Variants in FOXN3 observed in about 807,000 individuals in gnomAD.
FOXN3 encodes the protein forkhead box N3.
Under a neutral mutation model 38.4 loss-of-function variants are expected in FOXN3, and 7 were observed. That is an observed-to-expected ratio of 0.18 (90% CI 0.10 to 0.34). The LOEUF (loss-of-function observed/expected upper bound fraction) is 0.34, where lower values mean the gene tolerates loss of function less well. Ranked by LOEUF, FOXN3 falls within the 10% of genes least tolerant of loss-of-function variation. FOXN3 has a pLI of 1.00. For synonymous variants in FOXN3, 230 were observed against 242.2 expected (o/e 0.95, Z 0.47); for missense variants, 456 against 613.4 (o/e 0.74, Z 2.71).
intron 1 of FOXN3, among the ~76,000 whole-genome samples, chr14:89,578,231 GC>G (rs1364615090): frequency 6.6e-6 from 1 of 152,190 alleles, no homozygotes; most frequent in African/African-American, 2.4e-5. Flanking sequence ...AGTGTGTCCA[GC>G]CCTGTGGTTT....
At chr14:89,310,181 G>C (rs1392699794) in intron 3 of FOXN3, among the ~76,000 whole-genome samples, 1 of 152,226 alleles carries the variant, frequency 6.6e-6, no homozygotes, top group Non-Finnish European at 1.5e-5. Flanking sequence ...ATAGCTTAGG[G>C]AGGGGGATAT....
At chr14:89,512,708 T>C (rs1348995546) in intron 1 of FOXN3, among the ~76,000 whole-genome samples, 1 of 152,244 alleles carries the variant, frequency 6.6e-6, no homozygotes, top group East Asian at 1.9e-4. Flanking sequence ...CTCAACTGCC[T>C]TCAGCTCAAA....
rs111592437 is a variant in FOXN3 at position 89,602,288 on chromosome 14, C to CAAAAAAAA, written c.-15+16732_-15+16739dup. Among the ~76,000 whole-genome samples the CAAAAAAAA allele has an allele frequency of 6.3e-3, 846 of 133,602 alleles. 5 individuals carry two copies. The highest frequency in any genetic ancestry group is 0.022 in the African/African-American group (800 of 36,470). The allele number at this position is 133,602 out of a possible 152,430, so 87.6% of individuals were successfully genotyped here. A position where few individuals can be genotyped will look rare whatever the true frequency, so the allele number is the denominator to read the frequency against. On this transcript the variant is annotated intron_variant, in intron 1 of 6. Coordinates refer to the FOXN3 transcript ENST00000345097. Reference sequence around the variant, plus strand: ...TGGGTGACAGAGCAAGACTTTGTGTCAAAAAAAAAAACACATGCGAAAGAA... The same window carrying CAAAAAAAA: ...TGGGTGACAGAGCAAGACTTTGTGTCAAAAAAAAAAAAAAAAAAACACATGCGAAAGAA...
chr14:89,498,551 T>C (rs952950478), intron 1 of FOXN3, among the ~76,000 whole-genome samples: 4 of 152,158 alleles, frequency 2.6e-5, no homozygotes, highest in South Asian at 2.1e-4. Context: ...GCCACACTTA[T>C]ATGCACTAGA....
At chr14:89,454,573 C>A (rs921446441) in intron 1 of FOXN3, among the ~76,000 whole-genome samples, 1 of 152,208 alleles carries the variant, frequency 6.6e-6, no homozygotes, top group Non-Finnish European at 1.5e-5. Flanking sequence ...TAAACATTCT[C>A]CTGCCTCACT....
At chr14:89,560,244 C>T (rs1005715048) in intron 1 of FOXN3, among the ~76,000 whole-genome samples, 2 of 152,158 alleles carry the variant, frequency 1.3e-5, no homozygotes, top group Non-Finnish European at 2.9e-5. Flanking sequence ...ATCCAGTCAC[C>T]TCCACCAGGT....
chr14:89,402,747 C>T (rs1186545595), intron 2 of FOXN3, among the ~76,000 whole-genome samples: 4 of 152,188 alleles, frequency 2.6e-5, no homozygotes, highest in Non-Finnish European at 5.9e-5. Context: ...AATGGAAACC[C>T]GCAATGCCCT....
intron 2 of FOXN3, among the ~76,000 whole-genome samples, chr14:89,351,771 G>T (rs961395611): frequency 6.6e-6 from 1 of 152,152 alleles, no homozygotes. Flanking sequence ...CCCACCTCCT[G>T]CTTTCAGCCA....
intron 1 of FOXN3, among the ~76,000 whole-genome samples, chr14:89,589,208 C>T (rs1749254369): frequency 6.6e-6 from 1 of 152,146 alleles, no homozygotes; most frequent in Non-Finnish European, 1.5e-5. Flanking sequence ...GACCAAAACA[C>T]TCTTGCCCTT....
At position 89,318,162 on chromosome 14, in the gene FOXN3, C is replaced by CTTTTT. The variant is rs10624729; in HGVS notation, c.680+32505_680+32509dup. On this transcript the variant is annotated intron_variant, in intron 3 of 5. Coordinates refer to ENST00000557258, the MANE Select transcript of FOXN3 (RefSeq NM_005197.4). Reference sequence around the variant, plus strand: ...TTCTTTTCTTTCTTCTTCTTCTTCTCTTTTTTTTTTTTTGAGGCGGAGTTT... The same window carrying CTTTTT: ...TTCTTTTCTTTCTTCTTCTTCTTCTCTTTTTTTTTTTTTTTTTTGAGGCGGAGTTT... 5.8e-3 allele frequency among the ~76,000 whole-genome samples: 740 copies of CTTTTT among 127,482 alleles called. 43 individuals carry two copies. Among genetic ancestry groups the CTTTTT allele is most frequent in the African/African-American group, 0.021 (674 of 32,870 alleles). The allele number at this position is 127,482 out of a possible 152,430, so 83.6% of individuals were successfully genotyped here.
chr14:89,568,451 A>G (rs1490634241), intron 1 of FOXN3, among the ~76,000 whole-genome samples: 1 of 152,006 alleles, frequency 6.6e-6, no homozygotes, highest in East Asian at 1.9e-4. Context: ...ACTCTCCCTC[A>G]CAGTCGCTCC....
intron 1 of FOXN3, among the ~76,000 whole-genome samples, chr14:89,554,955 G>GT (rs945632044): frequency 1.3e-5 from 2 of 151,720 alleles, no homozygotes; most frequent in African/African-American, 4.9e-5. Context: ...TGCCTGGCTG[G>GT]TTTTTTTGTA....
rs1214667626 is a variant in FOXN3, at chr14:89,235,076, T to C, written c.745+45874A>G. 2.0e-5 allele frequency among the ~76,000 whole-genome samples: 3 copies of C among 152,216 alleles called. No homozygotes were observed. The East Asian group carries it at 5.8e-4, about 29-fold the overall frequency. On this transcript the variant is annotated intron_variant, in intron 4 of 5. Transcript: ENST00000557258. ...TCACTTCTGCCCACTCTCTGGCAAC[T>C]GCCCCCTGAGAGCGTGGGCTATTTC...
chr14:89,421,141 CTTTCTTTTT>C (rs1422671052), upstream of FOXN3, among the ~76,000 whole-genome samples: 2 of 123,980 alleles, frequency 1.6e-5, no homozygotes, highest in Non-Finnish European at 3.3e-5. Flanking sequence ...TATTTTCTTT[CTTTCTTTTT>C]TTTTTTTTTT....
intron 2 of FOXN3, among the ~76,000 whole-genome samples, chr14:89,402,255 A>C (rs1891269980): frequency 6.6e-6 from 1 of 152,224 alleles, no homozygotes; most frequent in Non-Finnish European, 1.5e-5. Context: ...GGAATGTTTA[A>C]AAAATGGGTC....
At chr14:89,170,316 GCACACACA>G (rs376308529) in intron 5 of FOXN3, among the ~76,000 whole-genome samples, 1 of 151,870 alleles carries the variant, frequency 6.6e-6, no homozygotes, top group Non-Finnish European at 1.5e-5. Context: ...AAGCTGACAC[GCACACACA>G]CACAAAAGTT....
chr14:89,168,657 G>C (rs1203867714), intron 5 of FOXN3, among the ~76,000 whole-genome samples: 1 of 152,138 alleles, frequency 6.6e-6, no homozygotes, highest in African/African-American at 2.4e-5. Context: ...AAACCTAACT[G>C]GAGTTCCAGT....
At chr14:89,226,330 A>G (rs61336314) in intron 4 of FOXN3, among the ~76,000 whole-genome samples, 21 of 152,176 alleles carry the variant, frequency 1.4e-4, no homozygotes, top group African/African-American at 4.8e-4. Flanking sequence ...GGCTTAAGTG[A>G]TCTTCACACC....
At chr14:89,379,036 T>C (rs535945034) in intron 2 of FOXN3, among the ~76,000 whole-genome samples, 110 of 152,294 alleles carry the variant, frequency 7.2e-4, no homozygotes, top group African/African-American at 2.5e-3. Context: ...GCCCAGGTTA[T>C]GAGAATAGAG....
Sources: gnomAD v4.1 joint callset for allele counts (sites outside exome capture counted in the v4.1 genomes callset) on GRCh38, gnomAD v4.1.1 for gene constraint, MANE v1.5 for transcripts, NCBI Gene and HGNC (gene_info 2026-07-23, HGNC 2026-07-21) for gene names.